The following SHISA9 variants were observed in gnomAD, a reference collection of about 807,000 sequenced individuals.
The protein encoded by SHISA9 is shisa family member 9, also known as protein shisa-9.
SHISA9 carries 13 observed loss-of-function variants against 38.0 expected under a neutral mutation model. That is an observed-to-expected ratio of 0.34 (90% CI 0.22 to 0.54). The LOEUF (loss-of-function observed/expected upper bound fraction) is 0.54, where lower values mean the gene tolerates loss of function less well. Ranked by LOEUF, SHISA9 falls within the 20% of genes least tolerant of loss-of-function variation. The pLI is 0.91. For missense variants in SHISA9, 538 were observed against 575.8 expected, an observed-to-expected ratio of 0.93 and a Z score of 0.67; for synonymous variants, 275 against 242.0, an observed-to-expected ratio of 1.14 and a Z score of -1.27.
At chr16:12,970,418 C>CATATATATAT (rs2072054118) in intron 2 of SHISA9, among the ~76,000 whole-genome samples, 2,118 of 9,488 alleles carry the variant, frequency 0.22, 202 homozygotes, top group Middle Eastern at 0.33. Context: ...TATATATATA[C>CATATATATAT]ACATATATGT....
At chr16:13,552,953 A>T in the SHISA9 span, among the ~76,000 whole-genome samples, 1 of 152,042 alleles carries the variant, frequency 6.6e-6, no homozygotes. Context: ...CTTGGGCCAG[A>T]TAATCGTTTG....
intron 2 of SHISA9, among the ~76,000 whole-genome samples, chr16:12,946,017 A>G (rs1166417408): frequency 6.6e-6 from 1 of 152,218 alleles, no homozygotes; most frequent in Non-Finnish European, 1.5e-5. Context: ...CTAAAGCATG[A>G]GAACTGCTTG....
chr16:13,346,781 C>A, the SHISA9 span, among the ~76,000 whole-genome samples: 1 of 152,164 alleles, frequency 6.6e-6, no homozygotes. Flanking sequence ...ACCGTATACA[C>A]CCCAGTGGAC....
intron 1 of SHISA9, among the ~76,000 whole-genome samples, chr16:12,906,527 G>C (rs1183517999): frequency 6.6e-6 from 1 of 152,178 alleles, no homozygotes; most frequent in Non-Finnish European, 1.5e-5. Flanking sequence ...TGCAAGAGCA[G>C]CCACAGTCAG....
the SHISA9 span, among the ~76,000 whole-genome samples, chr16:13,349,242 T>C: frequency 6.6e-6 from 1 of 152,236 alleles, no homozygotes; most frequent in African/African-American, 2.4e-5. Flanking sequence ...GATTTTCCTG[T>C]TGACTGATAT....
At chr16:13,107,478 C>G (rs991318066) in intron 2 of SHISA9, among the ~76,000 whole-genome samples, 3 of 24,644 alleles carry the variant, frequency 1.2e-4, no homozygotes, top group Non-Finnish European at 2.1e-4. Context: ...AACAGACACA[C>G]ACACACACAC....
At chr16:13,170,594 C>T (rs554107157) in intron 2 of SHISA9, among the ~76,000 whole-genome samples, 1 of 152,278 alleles carries the variant, frequency 6.6e-6, no homozygotes, top group South Asian at 2.1e-4. Flanking sequence ...CACACGTTTA[C>T]CTATGTAACT....
chr16:13,313,262 A>AAAAAAAAAC, the SHISA9 span, among the ~76,000 whole-genome samples: 33 of 140,662 alleles, frequency 2.3e-4, 1 homozygote, highest in African/African-American at 5.0e-4. Flanking sequence ...CTCAAAAAAA[A>AAAAAAAAAC]AAAAAAAAAA....
the SHISA9 span, among the ~76,000 whole-genome samples, chr16:13,329,254 G>T: frequency 1.3e-5 from 2 of 152,058 alleles, no homozygotes; most frequent in Admixed American, 6.5e-5. Context: ...CCTTTCCGGC[G>T]CCCCTCTTTC....
intron 2 of SHISA9, among the ~76,000 whole-genome samples, chr16:13,015,909 T>TCTTTCTTTCTTG (rs1567182454): frequency 7.9e-6 from 1 of 126,574 alleles, no homozygotes; most frequent in African/African-American, 3.2e-5. Flanking sequence ...TTTCTTTCTT[T>TCTTTCTTTCTTG]TCTTTCTTTC....
At chr16:13,056,579 T>C (rs1411519227) in intron 2 of SHISA9, among the ~76,000 whole-genome samples, 1 of 152,212 alleles carries the variant, frequency 6.6e-6, no homozygotes, top group African/African-American at 2.4e-5. Flanking sequence ...GGGTAATAAA[T>C]AGCATGACTC....
At chr16:13,196,139 T>A (rs1465134652) in intron 2 of SHISA9, among the ~76,000 whole-genome samples, 3 of 132,772 alleles carry the variant, frequency 2.3e-5, no homozygotes, top group East Asian at 4.7e-4. Flanking sequence ...GGCTCACGCC[T>A]GTAATCCCAG....
the SHISA9 span, among the ~76,000 whole-genome samples, chr16:13,397,174 G>A: frequency 6.6e-6 from 1 of 152,218 alleles, no homozygotes; most frequent in African/African-American, 2.4e-5. Flanking sequence ...AAACATATGT[G>A]TTAATCGACT....
chr16:13,433,780 A>G, the SHISA9 span, among the ~76,000 whole-genome samples: 1 of 152,220 alleles, frequency 6.6e-6, no homozygotes, highest in Non-Finnish European at 1.5e-5. Flanking sequence ...GGATTTGTCC[A>G]CTGACTAACC....
intron 2 of SHISA9, among the ~76,000 whole-genome samples, chr16:13,202,282 C>T (rs889337087): frequency 4.6e-5 from 6 of 130,872 alleles, no homozygotes; most frequent in African/African-American, 1.8e-4. Flanking sequence ...TCCAGCTCCA[C>T]GGCTTTTGCT....
At chr16:13,038,180 G>A (rs960056460) in intron 2 of SHISA9, among the ~76,000 whole-genome samples, 5 of 152,170 alleles carry the variant, frequency 3.3e-5, no homozygotes, top group African/African-American at 1.2e-4. Context: ...AGTAGAGACA[G>A]GGTTTCACCA....
intron 1 of SHISA9, chr16:12,911,072 C>T: frequency 5.3e-6 from 1 of 187,298 alleles, no homozygotes; most frequent in Non-Finnish European, 1.0e-5. Context: ...ACCCTGTGAC[C>T]CAGTCAAGTT....
intron 2 of SHISA9, among the ~76,000 whole-genome samples, chr16:13,081,563 G>A (rs1193815558): frequency 6.6e-6 from 1 of 151,738 alleles, no homozygotes; most frequent in African/African-American, 2.4e-5. Context: ...ATCCGAGGTA[G>A]CCAATGTGTG....
At chr16:12,967,339 C>T (rs927326908) in intron 2 of SHISA9, among the ~76,000 whole-genome samples, 3 of 152,008 alleles carry the variant, frequency 2.0e-5, no homozygotes, top group Admixed American at 2.0e-4. Context: ...TGTTCTCACT[C>T]ATAGGTGGGA....
Sources: gnomAD v4.1 joint callset for allele counts (sites outside exome capture counted in the v4.1 genomes callset) on GRCh38, gnomAD v4.1.1 for gene constraint, MANE v1.5 for transcripts, NCBI Gene and HGNC (gene_info 2026-07-23, HGNC 2026-07-21) for gene names.